Variants in ENO4 observed in about 807,000 individuals in gnomAD.
ENO4 encodes enolase 4, also known as 2-phospho-D-glycerate hydro-lyase.
ENO4 carries 53 observed loss-of-function variants against 63.2 expected under a neutral mutation model. That is an observed-to-expected ratio of 0.84 (90% CI 0.67 to 1.05). The LOEUF is 1.05. ENO4 is among the 50% of genes least tolerant of loss of function. The probability of loss-of-function intolerance (pLI) is 0.00; values close to 1 mark genes in which losing one functional copy is unlikely to be tolerated. For synonymous variants in ENO4, 266 were observed against 283.8 expected, an observed-to-expected ratio of 0.94 and a Z score of 0.63; for missense variants, 719 against 772.0, an observed-to-expected ratio of 0.93 and a Z score of 0.81.
At chr10:116,890,959 C>T (rs568414378) in intron 10 of ENO4, among the ~76,000 whole-genome samples, 14 of 152,362 alleles carry the variant, frequency 9.2e-5, no homozygotes, top group African/African-American at 3.1e-4. Context: ...CAACTTTCCA[C>T]GTTCCAACTA....
intron 11 of ENO4, among the ~76,000 whole-genome samples, chr10:116,878,245 C>G (rs1846891270): frequency 6.6e-6 from 1 of 152,204 alleles, no homozygotes; most frequent in African/African-American, 2.4e-5. Context: ...AGACAGAAAG[C>G]TGGTCTCAGA....
chr10:116,887,177 A>C (rs1290102183), downstream of ENO4, among the ~76,000 whole-genome samples: 2 of 152,170 alleles, frequency 1.3e-5, no homozygotes, highest in African/African-American at 2.4e-5. Context: ...CTAAGTTACC[A>C]TTAATGTTTC....
chr10:116,880,006 T>C lies in ENO4; in HGVS notation c.1723+20T>C. 6.6e-7 allele frequency: 1 copy of C among 1,510,928 alleles called. No individual in the cohort carries two copies. The highest frequency in any genetic ancestry group is 9.0e-7 in the Non-Finnish European group (1 of 1,112,794). 93.6% of individuals were successfully genotyped at this position (1,510,928 alleles called of 1,614,324 possible). ...CACTGGGTATGCGCTGCTTTCTTGC[T>C]TTGTTTCCACTTAGCCATGAATAAG... On this transcript the variant is annotated intron_variant, in intron 13 of 13. Coordinates refer to ENST00000341276, the MANE Select transcript of ENO4 (RefSeq NM_001242699.2).
intron 7 of ENO4, among the ~76,000 whole-genome samples, chr10:116,867,559 G>A (rs867875489): frequency 2.6e-5 from 4 of 152,172 alleles, no homozygotes; most frequent in South Asian, 2.1e-4. Context: ...ACTGTACTCC[G>A]GCCTGTGTGA....
At chr10:116,906,523 A>G in intron 10 of ENO4, 1 of 1,187,020 alleles carries the variant, frequency 8.4e-7, no homozygotes, top group Non-Finnish European at 1.1e-6. Context: ...AAAAACAAAT[A>G]TTTTAATAAT....
At chr10:116,865,368 G>C (rs1846522939) in intron 7 of ENO4, among the ~76,000 whole-genome samples, 1 of 151,998 alleles carries the variant, frequency 6.6e-6, no homozygotes, top group Non-Finnish European at 1.5e-5. Context: ...TGTATTTTTA[G>C]TAGAGACGGG....
Position 116,859,244 on chromosome 10 carries a change from G to A in ENO4, c.634+106G>A. ...AGTCTCTTGGCTACAGGCCTACTTTGGGCTCACGGCTAAAAGCCATCCATC... is the reference window on the plus strand; with the variant it reads ...AGTCTCTTGGCTACAGGCCTACTTTAGGCTCACGGCTAAAAGCCATCCATC... On this transcript the variant is annotated intron_variant, in intron 4 of 13. Transcript: ENST00000341276. 4 of 1,315,638 alleles carry A rather than the reference G, an allele frequency of 3.0e-6. No individual in the cohort carries two copies. In the South Asian group the frequency reaches 7.8e-5, roughly 26 times the overall value. 81.5% of individuals were successfully genotyped at this position (1,315,638 alleles called of 1,614,324 possible). A position where few individuals can be genotyped will look rare whatever the true frequency, so the allele number is the denominator to read the frequency against.
At chr10:116,876,334 A>C in intron 11 of ENO4, 74 bp downstream of exon 11, 2 of 1,142,652 alleles carry the variant, frequency 1.8e-6, no homozygotes, top group Non-Finnish European at 2.4e-6. Context: ...ACAGCATATC[A>C]AAGTTACTAA....
intron 11 of ENO4, 100 bp downstream of exon 11, chr10:116,876,360 T>C: frequency 2.0e-6 from 2 of 1,002,414 alleles, no homozygotes; most frequent in Admixed American, 6.8e-5. Context: ...ATGGGAGAAA[T>C]CTTGGAAGAA....
chr10:116,911,747 C>T lies in ENO4; in HGVS notation c.*175C>T, dbSNP rs74159006. The T allele has an allele frequency of 4.3e-4, 682 of 1,574,988 alleles. 4 individuals are homozygous for T. The African/African-American group carries it at 8.4e-3, about 19-fold the overall frequency. ...AACAGATTTTAAAATACTCTCCTTT[C>T]ATTTCCCCATTAGCTAAACAATAAA... On this transcript the variant is annotated 3_prime_UTR_variant, in exon 11 of 11. Coordinates refer to the ENO4 transcript ENST00000369207.
chr10:116,876,820 G>T (rs1479521984), intron 11 of ENO4, among the ~76,000 whole-genome samples: 2 of 151,888 alleles, frequency 1.3e-5, no homozygotes, highest in Non-Finnish European at 2.9e-5. Flanking sequence ...GTGTGGTGGC[G>T]GGCGCCTGTA....
downstream of ENO4, chr10:116,884,770 C>T (rs1003637578): frequency 3.8e-5 from 6 of 157,720 alleles, no homozygotes; most frequent in Admixed American, 5.9e-5. Context: ...AAACCAGAAA[C>T]GTTAATAATA....
intron 7 of ENO4, among the ~76,000 whole-genome samples, chr10:116,866,041 G>A (rs565161991): frequency 6.6e-6 from 1 of 152,278 alleles, no homozygotes; most frequent in East Asian, 1.9e-4. Context: ...AAGACCCCCA[G>A]GTCGTAGGTG....
intron 10 of ENO4, chr10:116,901,837 G>C (rs760201067): frequency 3.1e-6 from 5 of 1,605,336 alleles, no homozygotes; most frequent in Non-Finnish European, 8.5e-7. Context: ...TGTTGGGGGG[G>C]ACGGGCTGTT....
intron 10 of ENO4, chr10:116,906,770 A>G: frequency 6.3e-7 from 1 of 1,594,406 alleles, no homozygotes; most frequent in Non-Finnish European, 8.5e-7. Context: ...CAAAACAAAA[A>G]CAAAAAGGTT....
At chr10:116,902,010 A>G (rs1847758451) in intron 10 of ENO4, 2 of 1,449,662 alleles carry the variant, frequency 1.4e-6, no homozygotes, top group East Asian at 2.5e-5. Flanking sequence ...ATGCTTATTA[A>G]TATGGTACTG....
chr10:116,863,356 T>TCACACACACACACACACACA (rs10646641), intron 7 of ENO4, among the ~76,000 whole-genome samples: 2 of 147,298 alleles, frequency 1.4e-5, no homozygotes, highest in Non-Finnish European at 3.0e-5. Flanking sequence ...CTGTGGGGCT[T>TCACACACACACACACACACA]CACACACACA....
chr10:116,884,317 G>A (rs1220990936), downstream of ENO4: 1 of 451,124 alleles, frequency 2.2e-6, no homozygotes, highest in East Asian at 7.0e-5. Flanking sequence ...GGGAAAAACT[G>A]TAGGCAGAAA....
At chr10:116,876,356 G>A in intron 11 of ENO4, 96 bp downstream of exon 11, 1 of 1,005,240 alleles carries the variant, frequency 9.9e-7, no homozygotes. Context: ...AAGCATGGGA[G>A]AAATCTTGGA....
Sources: allele counts gnomAD v4.1 joint callset (sites outside exome capture counted in the v4.1 genomes callset), GRCh38; gene constraint gnomAD v4.1.1; transcripts MANE v1.5; gene names NCBI Gene and HGNC (gene_info 2026-07-23, HGNC 2026-07-21).